ZFHX3: variants seen among roughly 807,000 people sequenced by gnomAD.
The protein encoded by ZFHX3 is zinc finger homeobox protein 3.
In ZFHX3, 42 loss-of-function variants were observed where a neutral mutation model predicts 279.1. The observed-to-expected ratio is 0.15, with a 90% CI of 0.12 to 0.19. The LOEUF (loss-of-function observed/expected upper bound fraction) is 0.19. Among genes scored for constraint, ZFHX3 ranks in the 10% least tolerant of loss-of-function variants. The pLI is 1.00. For synonymous variants in ZFHX3, 2,293 were observed against 1,957.8 expected (o/e 1.17, Z -4.52); for missense variants, 4,981 against 4,754.0 (o/e 1.05, Z -1.40).
At chr16:73,559,639 C>T (rs971491271) in intron 2 of ZFHX3, among the ~76,000 whole-genome samples, 41 of 152,198 alleles carry the variant, frequency 2.7e-4, no homozygotes, top group African/African-American at 9.6e-4. Context: ...CCCTTTCACA[C>T]ACGCTTCCTT....
intron 3 of ZFHX3, among the ~76,000 whole-genome samples, chr16:72,927,686 C>T (rs1404167210): frequency 6.6e-6 from 1 of 151,992 alleles, no homozygotes; most frequent in Non-Finnish European, 1.5e-5. Flanking sequence ...TCCGGAGCCG[C>T]CCGGGGGAGC....
At chr16:73,322,211 G>A (rs2015588419) in intron 3 of ZFHX3, among the ~76,000 whole-genome samples, 1 of 152,142 alleles carries the variant, frequency 6.6e-6, no homozygotes, top group Non-Finnish European at 1.5e-5. Flanking sequence ...GGGGCGTGGG[G>A]GAGCCCAGAG....
chr16:73,802,179 G>C (rs1033619753), intron 1 of ZFHX3, among the ~76,000 whole-genome samples: 2 of 151,760 alleles, frequency 1.3e-5, no homozygotes, highest in African/African-American at 4.8e-5. Context: ...TTTTAAATAA[G>C]TTGATTCTTC....
intron 3 of ZFHX3, among the ~76,000 whole-genome samples, chr16:73,336,887 T>A (rs2015923983): frequency 6.6e-6 from 1 of 152,056 alleles, no homozygotes; most frequent in African/African-American, 2.4e-5. Context: ...CATGATCCCG[T>A]CCCTCGCTTC....
At chr16:73,769,731 T>C (rs1449396261) in intron 1 of ZFHX3, among the ~76,000 whole-genome samples, 1 of 152,236 alleles carries the variant, frequency 6.6e-6, no homozygotes, top group Non-Finnish European at 1.5e-5. Context: ...CGGAGATTTG[T>C]TGACATATCA....
chr16:73,185,020 C>A (rs1597209124), intron 5 of ZFHX3, among the ~76,000 whole-genome samples: 1 of 151,936 alleles, frequency 6.6e-6, no homozygotes, highest in African/African-American at 2.4e-5. Context: ...CTCAGTCACC[C>A]AGGCTGGAGT....
intron 2 of ZFHX3, among the ~76,000 whole-genome samples, chr16:72,954,356 G>C (rs570917285): frequency 9.9e-5 from 15 of 152,276 alleles, no homozygotes; most frequent in African/African-American, 3.6e-4. Flanking sequence ...GGCGACAAGA[G>C]TGAAACTCCA....
chr16:73,184,287 G>C (rs1009801227), intron 5 of ZFHX3, among the ~76,000 whole-genome samples: 2 of 152,220 alleles, frequency 1.3e-5, no homozygotes, highest in African/African-American at 4.8e-5. Flanking sequence ...GAGTGATCAA[G>C]AGACAGCAAT....
intron 5 of ZFHX3, among the ~76,000 whole-genome samples, chr16:73,175,536 A>C (rs1967644425): frequency 6.6e-6 from 1 of 152,206 alleles, no homozygotes; most frequent in Non-Finnish European, 1.5e-5. Context: ...GCCTGCTCAG[A>C]GGGCTGGGAG....
intron 3 of ZFHX3, among the ~76,000 whole-genome samples, chr16:73,350,368 G>A (rs186035210): frequency 5.3e-5 from 8 of 152,244 alleles, no homozygotes; most frequent in African/African-American, 1.4e-4. Flanking sequence ...CAGTGTGCAC[G>A]GCCCTACTTT....
chr16:72,944,919 C>CTGGTTTTTCAACAGG (rs1431265921), intron 3 of ZFHX3, among the ~76,000 whole-genome samples: 1 of 152,068 alleles, frequency 6.6e-6, no homozygotes, highest in Non-Finnish European at 1.5e-5. Flanking sequence ...GGTTGCAAAA[C>CTGGTTTTTCAACAGG]TGGTTTTTCA....
At chr16:73,718,433 C>T (rs950866811) in intron 1 of ZFHX3, among the ~76,000 whole-genome samples, 4 of 151,746 alleles carry the variant, frequency 2.6e-5, no homozygotes, top group African/African-American at 9.7e-5. Flanking sequence ...TAAATAAAAA[C>T]AACAACAAGC....
chr16:73,644,387 C>T (rs1156837399), intron 2 of ZFHX3, among the ~76,000 whole-genome samples: 2 of 151,974 alleles, frequency 1.3e-5, no homozygotes, highest in East Asian at 1.9e-4. Flanking sequence ...CAGCTGGGCA[C>T]GGTGGCTCAT....
At chr16:73,553,163 T>C (rs1389065809) in intron 2 of ZFHX3, among the ~76,000 whole-genome samples, 3 of 151,704 alleles carry the variant, frequency 2.0e-5, no homozygotes, top group Non-Finnish European at 4.4e-5. Flanking sequence ...ATGTTTTAAA[T>C]TGCTACCTGG....
chr16:73,045,670 T>TATC (rs1965268774), intron 1 of ZFHX3, among the ~76,000 whole-genome samples: 1 of 143,308 alleles, frequency 7.0e-6, no homozygotes, highest in African/African-American at 2.5e-5. Flanking sequence ...TTATTATTAT[T>TATC]ATTATTATTA....
chr16:73,248,267 A>G (rs2013366127), intron 5 of ZFHX3, among the ~76,000 whole-genome samples: 1 of 147,444 alleles, frequency 6.8e-6, no homozygotes, highest in Non-Finnish European at 1.5e-5. Flanking sequence ...TGTATGTGGA[A>G]TGTTTGCATA....
At chr16:72,921,707 G>A (rs899227873) in intron 3 of ZFHX3, among the ~76,000 whole-genome samples, 3 of 152,182 alleles carry the variant, frequency 2.0e-5, no homozygotes, top group Admixed American at 2.0e-4. Flanking sequence ...GAGAAAGGAC[G>A]GGGCAGAGAG....
At position 72,950,974 on chromosome 16, in the gene ZFHX3, A is replaced by G. The variant is rs144649920; in HGVS notation, c.2720-9T>C. On this transcript the variant is annotated splice_polypyrimidine_tract_variant and intron_variant, in intron 2 of 9. Coordinates refer to ENST00000268489, the MANE Select transcript of ZFHX3 (RefSeq NM_006885.4). ...GGGGATCTCACCGCCCACTGCAGGG[A>G]AGGAGAGAAGGAGAGAGTCAGACAC... 1.7e-5 allele frequency: 28 copies of G among 1,603,664 alleles called. No homozygotes were observed. In the East Asian group the frequency reaches 6.1e-4, roughly 35 times the overall value.
chr16:72,961,629 C>CTT lies in ZFHX3; in HGVS notation c.-49-1437_-49-1436dup, dbSNP rs5817821. ...CCCTGACAGCCCCTATCTTCTCAAT[C>CTT]TTTTTTTTTTTTCATTTCTTGATTA... On this transcript the variant is annotated intron_variant, in intron 1 of 9. Coordinates refer to ENST00000268489, the MANE Select transcript of ZFHX3 (RefSeq NM_006885.4). 3.7e-4 allele frequency among the ~76,000 whole-genome samples: 55 copies of CTT among 147,494 alleles called. 1 individual carries two copies. Among genetic ancestry groups the CTT allele is most frequent in the East Asian group, 7.9e-4 (4 of 5,052 alleles).
Sources: gnomAD v4.1 joint callset for allele counts (sites outside exome capture counted in the v4.1 genomes callset) on GRCh38, gnomAD v4.1.1 for gene constraint, MANE v1.5 for transcripts, NCBI Gene and HGNC (gene_info 2026-07-23, HGNC 2026-07-21) for gene names.